Variants in MYO3A observed in about 807,000 individuals in gnomAD.
MYO3A encodes myosin-IIIa.
MYO3A carries 180 observed loss-of-function variants against 192.7 expected under a neutral mutation model. The ratio of observed to expected loss-of-function variants is 0.93; its 90% confidence interval spans 0.83 to 1.06. The LOEUF (loss-of-function observed/expected upper bound fraction) is 1.06. MYO3A is among the 50% of genes least tolerant of loss of function. The pLI, the probability that MYO3A is intolerant of heterozygous loss-of-function variation, is 0.00. For synonymous variants in MYO3A, 628 were observed against 645.3 expected (o/e 0.97, Z 0.41); for missense variants, 1,896 against 1,905.0 (o/e 1.00, Z 0.09).
intron 30 of MYO3A, among the ~76,000 whole-genome samples, chr10:26,175,204 GTCTCTGATACATACAATTTA>G (rs945356583): frequency 9.2e-5 from 14 of 152,184 alleles, no homozygotes; most frequent in Non-Finnish European, 1.6e-4. Context: ...CATGCAATTT[GTCTCTGATACATACAATTTA>G]TCTCTGATAC....
Position 26,211,877 on chromosome 10 carries a change from G to A in MYO3A, c.4765G>A (p.Glu1589Lys). ...WAAESPEKEEEREPAANPYDF... is the reference protein window; with the variant it reads ...WAAESPEKEEKREPAANPYDF... Reference sequence around the variant, plus strand: ...GGCGGAGAGCCCCGAGAAGGAGGAGGAGAGAGAGCCAGCAGCCAACCCCTA... The same window carrying A: ...GGCGGAGAGCCCCGAGAAGGAGGAGAAGAGAGAGCCAGCAGCCAACCCCTA... The change falls in exon 35 of 35, where the codon GAG becomes AAG. Residue 1589 changes from glutamate (E) to lysine (K), a missense_variant. Coordinates refer to ENST00000642920, the MANE Select transcript of MYO3A (RefSeq NM_017433.5). 1 of 1,614,082 alleles carries A rather than the reference G, an allele frequency of 6.2e-7. No individual in the cohort carries two copies. Among genetic ancestry groups the A allele is most frequent in the African/African-American group, 1.3e-5 (1 of 75,034 alleles).
At chr10:26,029,392 C>T (rs1455335463) in intron 10 of MYO3A, among the ~76,000 whole-genome samples, 5 of 152,122 alleles carry the variant, frequency 3.3e-5, no homozygotes, top group African/African-American at 1.2e-4. Context: ...AATGTTGGAA[C>T]CTCGTATTTT....
chr10:26,169,523 C>A (rs11014982), intron 28 of MYO3A, among the ~76,000 whole-genome samples: 15,650 of 152,132 alleles, frequency 0.1, 960 homozygotes, highest in African/African-American at 0.16. Context: ...GTGTTCTGAT[C>A]TTTTTAATTC....
At chr10:26,034,833 TTTAA>T (rs1488878785) in intron 10 of MYO3A, among the ~76,000 whole-genome samples, 1 of 151,580 alleles carries the variant, frequency 6.6e-6, no homozygotes, top group African/African-American at 2.4e-5. Flanking sequence ...TATTTATATA[TTTAA>T]TATATTGATA....
At chr10:25,963,278 C>T (rs1272456738) in intron 4 of MYO3A, among the ~76,000 whole-genome samples, 1 of 152,132 alleles carries the variant, frequency 6.6e-6, no homozygotes, top group African/African-American at 2.4e-5. Flanking sequence ...TGCACATTTT[C>T]GGTCATCAAA....
intron 10 of MYO3A, among the ~76,000 whole-genome samples, chr10:26,030,924 T>C (rs1842774868): frequency 6.6e-6 from 1 of 152,234 alleles, no homozygotes; most frequent in South Asian, 2.1e-4. Flanking sequence ...CTTATTCAAC[T>C]ATTCTGAAGA....
At chr10:25,986,276 T>C (rs1357347323) in intron 4 of MYO3A, among the ~76,000 whole-genome samples, 2 of 152,176 alleles carry the variant, frequency 1.3e-5, no homozygotes, top group Non-Finnish European at 2.9e-5. Flanking sequence ...GTTGAAAGCA[T>C]TCCCCCTGAG....
chr10:25,955,690 T>C (rs971496000), intron 4 of MYO3A, among the ~76,000 whole-genome samples: 1 of 152,178 alleles, frequency 6.6e-6, no homozygotes, highest in Non-Finnish European at 1.5e-5. Context: ...ATTATTCAAG[T>C]GTGGTAAACA....
intron 18 of MYO3A, 114 bp downstream of exon 18, chr10:26,120,916 A>T: frequency 1.5e-6 from 2 of 1,330,900 alleles, no homozygotes; most frequent in Non-Finnish European, 1.1e-6. Flanking sequence ...TCCTTAAAAG[A>T]ATACTCAGAT....
At chr10:25,951,745 A>G (rs574169656) in intron 2 of MYO3A, among the ~76,000 whole-genome samples, 4 of 152,190 alleles carry the variant, frequency 2.6e-5, no homozygotes, top group Non-Finnish European at 1.5e-5. Flanking sequence ...ATCTTCTCTA[A>G]GGTTCATTCT....
intron 15 of MYO3A, among the ~76,000 whole-genome samples, chr10:26,093,493 A>G (rs1167707736): frequency 6.6e-6 from 1 of 152,146 alleles, no homozygotes; most frequent in Non-Finnish European, 1.5e-5. Flanking sequence ...ATGGGTTCTG[A>G]AGGAAAGGAC....
At chr10:26,078,129 A>ATTTTTTTTTTT (rs1835707170) in intron 14 of MYO3A, among the ~76,000 whole-genome samples, 2 of 92,070 alleles carry the variant, frequency 2.2e-5, no homozygotes, top group African/African-American at 3.6e-5. Context: ...CTGGTCCTGG[A>ATTTTTTTTTTT]CTTTTTTTTT....
rs1681179185 is a variant in MYO3A at position 26,212,505 on chromosome 10, CTAAA to C, written c.*547_*550del. 6.2e-6 allele frequency: 1 copy of C among 160,536 alleles called. No individual in the cohort carries two copies. The highest frequency in any genetic ancestry group is 2.4e-5 in the African/African-American group (1 of 41,810). 9.9% of individuals were successfully genotyped at this position (160,536 alleles called of 1,614,324 possible). On this transcript the variant is annotated 3_prime_UTR_variant, in exon 35 of 35. Coordinates refer to ENST00000642920, the MANE Select transcript of MYO3A (RefSeq NM_017433.5). ...TCTCTTCCTTTGGTTATTAAGGTCA[CTAAA>C]TAAAGGAAGTGCCTTGGAAAACCCG...
At chr10:26,171,193 A>G (rs1842029500) in intron 29 of MYO3A, among the ~76,000 whole-genome samples, 1 of 152,190 alleles carries the variant, frequency 6.6e-6, no homozygotes, top group African/African-American at 2.4e-5. Context: ...GGTTAGGGAA[A>G]GGGAAAAATA....
At chr10:26,032,639 A>C (rs531510388) in intron 10 of MYO3A, among the ~76,000 whole-genome samples, 1 of 152,122 alleles carries the variant, frequency 6.6e-6, no homozygotes, top group South Asian at 2.1e-4. Flanking sequence ...ACAAAAAAAA[A>C]ACCAACAAAA....
At chr10:26,036,742 C>T (rs1052261219) in intron 10 of MYO3A, among the ~76,000 whole-genome samples, 1 of 152,188 alleles carries the variant, frequency 6.6e-6, no homozygotes, top group Non-Finnish European at 1.5e-5. Context: ...TCCACCCATA[C>T]TGTAGCCCCT....
chr10:26,171,805 A>C (rs1227819182), intron 29 of MYO3A, among the ~76,000 whole-genome samples: 1 of 152,170 alleles, frequency 6.6e-6, no homozygotes, highest in Non-Finnish European at 1.5e-5. Context: ...AAATCGAAGA[A>C]AGATGGACTA....
At chr10:26,060,373 C>T (rs1834389216) in intron 10 of MYO3A, among the ~76,000 whole-genome samples, 1 of 152,252 alleles carries the variant, frequency 6.6e-6, no homozygotes, top group African/African-American at 2.4e-5. Context: ...GATGCTGAGG[C>T]AGGAGAATCG....
intron 26 of MYO3A, 149 bp downstream of exon 26, chr10:26,157,664 A>G: frequency 1.1e-6 from 1 of 874,378 alleles, no homozygotes; most frequent in Non-Finnish European, 1.8e-6. Context: ...AAAAAAGAAG[A>G]TAGCTATTAA....
Sources: gnomAD v4.1 joint callset for allele counts (sites outside exome capture counted in the v4.1 genomes callset) on GRCh38, gnomAD v4.1.1 for gene constraint, MANE v1.5 for transcripts, NCBI Gene and HGNC (gene_info 2026-07-23, HGNC 2026-07-21) for gene names.